Variants in HYDIN observed in about 807,000 individuals in gnomAD.
HYDIN encodes the protein HYDIN axonemal central pair apparatus protein.
In HYDIN, 132 loss-of-function variants were observed where a neutral mutation model predicts 403.9. The observed-to-expected ratio is 0.33, with a 90% CI of 0.28 to 0.38. HYDIN has a LOEUF of 0.38. HYDIN is among the 10% of genes least tolerant of loss of function. HYDIN has a pLI of 1.00. For synonymous variants in HYDIN, 1,202 were observed against 1,891.7 expected, an observed-to-expected ratio of 0.64 and a Z score of 9.46; for missense variants, 2,827 against 5,009.5, an observed-to-expected ratio of 0.56 and a Z score of 13.15.
At chr16:70,901,584 CTTTTT>C (rs77192535) in intron 52 of HYDIN, among the ~76,000 whole-genome samples, 13 of 123,294 alleles carry the variant, frequency 1.1e-4, no homozygotes, top group Admixed American at 8.2e-5. Flanking sequence ...TATTTTCTTT[CTTTTT>C]TTTTTTTTTT....
chr16:71,188,200 G>A (rs2087249511), intron 1 of HYDIN, among the ~76,000 whole-genome samples: 1 of 151,742 alleles, frequency 6.6e-6, no homozygotes, highest in Admixed American at 6.6e-5. Flanking sequence ...TTGCTATGTT[G>A]ACCAGGCTGG....
In HYDIN at chr16:70,970,792, G is replaced by A. The variant is rs1512633; in HGVS notation, c.5380-33C>T. ...ACATAAAAACAAAACAAGCATCTGA[G>A]TTTATTTCCATTACATGTCATGTAA... On this transcript the variant is annotated intron_variant, in intron 35 of 85. Coordinates refer to ENST00000393567, the MANE Select transcript of HYDIN (RefSeq NM_001270974.2). 1.5e-4 allele frequency: 233 copies of A among 1,595,650 alleles called. 2 individuals are homozygous for A. The African/African-American group carries it at 1.6e-3, about 11-fold the overall frequency.
chr16:70,837,307 TA>T (rs56075280), intron 77 of HYDIN, among the ~76,000 whole-genome samples: 8 of 147,222 alleles, frequency 5.4e-5, no homozygotes, highest in South Asian at 2.1e-4. Context: ...TTAAAAATGT[TA>T]AAAAAAATGT....
At chr16:70,894,396 A>G (rs2041668127) in intron 55 of HYDIN, 53 bp downstream of exon 55, 4 of 1,610,140 alleles carry the variant, frequency 2.5e-6, no homozygotes, top group Non-Finnish European at 3.4e-6. Flanking sequence ...ATTTCCCCAC[A>G]TTCCTCCCCA....
chr16:70,976,711 T>C (rs1163827162), intron 30 of HYDIN, among the ~76,000 whole-genome samples: 1 of 152,222 alleles, frequency 6.6e-6, no homozygotes, highest in Non-Finnish European at 1.5e-5. Flanking sequence ...TGTCAAACTA[T>C]TCAAGGAGAT....
chr16:71,128,117 T>C (rs2144508148), intron 9 of HYDIN, among the ~76,000 whole-genome samples: 1 of 152,222 alleles, frequency 6.6e-6, no homozygotes, highest in East Asian at 1.9e-4. Context: ...GCCCAGGTTC[T>C]TCTCTCAAGA....
chr16:70,866,759 C>A (rs780936443), intron 66 of HYDIN, among the ~76,000 whole-genome samples: 2 of 152,028 alleles, frequency 1.3e-5, no homozygotes, highest in Non-Finnish European at 2.9e-5. Context: ...CATGGTGGCT[C>A]ACGGCCCATA....
chr16:70,875,382 C>G (rs2487964), intron 62 of HYDIN, among the ~76,000 whole-genome samples: 2 of 151,770 alleles, frequency 1.3e-5, no homozygotes, highest in South Asian at 4.1e-4. Context: ...CATCCTACCA[C>G]GATAAGAGAA....
At position 70,920,863 on chromosome 16, in the gene HYDIN, G is replaced by A. The variant is rs368364639; in HGVS notation, c.7513C>T (p.Arg2505Cys). ...DDQRQVPLGG[R>C]RGRKDRERER... ...CTCTCCCGGTCCTTGCGGCCCCTGC[G>A]CCCACCCAAGGGGACCTGGCGCTGG... Residue 2505 changes from arginine (R) to cysteine (C), a missense_variant, in exon 46 of 86, where the codon CGC (arginine) becomes TGC (cysteine). Arg to Cys is a radical substitution (Grantham distance 180). Coordinates refer to ENST00000393567, the MANE Select transcript of HYDIN (RefSeq NM_001270974.2). 2.7e-5 allele frequency: 43 copies of A among 1,602,632 alleles called. No individual in the cohort carries two copies. Among genetic ancestry groups the A allele is most frequent in the Non-Finnish European group, 3.5e-5 (41 of 1,174,026 alleles).
intron 64 of HYDIN, among the ~76,000 whole-genome samples, 180 bp from the exon 65 acceptor site, chr16:70,872,359 CATCCATCCATCT>C (rs1465664497): frequency 7.7e-6 from 1 of 129,326 alleles, no homozygotes; most frequent in African/African-American, 3.8e-5. Context: ...TCTATCCACC[CATCCATCCATCT>C]ATCCATCCAT....
intron 5 of HYDIN, among the ~76,000 whole-genome samples, chr16:71,171,362 A>T (rs1425838802): frequency 2.6e-5 from 4 of 151,808 alleles, no homozygotes; most frequent in Non-Finnish European, 4.4e-5. Flanking sequence ...ATCATTCCCT[A>T]CCCCCTACTA....
chr16:71,169,042 A>G (rs1310634940), intron 5 of HYDIN, among the ~76,000 whole-genome samples: 1 of 152,236 alleles, frequency 6.6e-6, no homozygotes, highest in African/African-American at 2.4e-5. Flanking sequence ...TATGTGGAAG[A>G]GCTACCTGAA....
intron 57 of HYDIN, among the ~76,000 whole-genome samples, chr16:70,890,452 G>C (rs1282222699): frequency 6.6e-6 from 1 of 152,090 alleles, no homozygotes; most frequent in Non-Finnish European, 1.5e-5. Flanking sequence ...AAAAAATTCA[G>C]TTGAAATTAA....
chr16:71,103,933 C>T (rs1333393327), intron 10 of HYDIN, among the ~76,000 whole-genome samples: 1 of 152,164 alleles, frequency 6.6e-6, no homozygotes, highest in African/African-American at 2.4e-5. Flanking sequence ...TTGTTTAGGT[C>T]TTTAATTTCT....
At chr16:70,859,580 C>T (rs2039273466) in intron 71 of HYDIN, among the ~76,000 whole-genome samples, 1 of 152,092 alleles carries the variant, frequency 6.6e-6, no homozygotes, top group African/African-American at 2.4e-5. Flanking sequence ...CTCACAGATC[C>T]GTTTTGGCCA....
intron 18 of HYDIN, among the ~76,000 whole-genome samples, chr16:71,032,459 C>T (rs948549575): frequency 2.0e-5 from 3 of 151,592 alleles, no homozygotes; most frequent in African/African-American, 7.3e-5. Flanking sequence ...TAATTAGCCT[C>T]ATCAGAATTT....
chr16:71,139,375 C>T (rs2085078101), intron 7 of HYDIN, among the ~76,000 whole-genome samples: 1 of 152,042 alleles, frequency 6.6e-6, no homozygotes, highest in South Asian at 2.1e-4. Flanking sequence ...GGAAATAAAA[C>T]TCCATGTGTT....
At position 70,807,933 on chromosome 16, in the gene HYDIN, G is replaced by A. The variant is rs1303165424; in HGVS notation, c.15013C>T (p.Leu5005=). Residue 5005 remains leucine, a synonymous_variant, in exon 86 of 86, where the codon CTA becomes TTA. Transcript: ENST00000393567. ...TACTCTCCACCTGCGAGCGATGATA[G>A]GATCAGGATGCCCTTGGTCTCACCC... ...HLGETKGILI[L]SSLAGGEYII... is the part of the protein sequence containing the mutation. The A allele has an allele frequency of 1.1e-5, 17 of 1,614,074 alleles. 1 individual carries two copies. The East Asian group carries it at 3.3e-4, about 32-fold the overall frequency.
chr16:70,904,479 T>C (rs1436644948), intron 50 of HYDIN, among the ~76,000 whole-genome samples: 1 of 13,104 alleles, frequency 7.6e-5, no homozygotes, highest in Non-Finnish European at 1.3e-4. Flanking sequence ...CTTGAGTAAC[T>C]TTTTTTTTTT....
Sources: allele counts gnomAD v4.1 joint callset (sites outside exome capture counted in the v4.1 genomes callset), GRCh38; gene constraint gnomAD v4.1.1; transcripts MANE v1.5; gene names NCBI Gene and HGNC (gene_info 2026-07-23, HGNC 2026-07-21).